The following STK3 variants were observed in gnomAD, a reference collection of about 807,000 sequenced individuals.
The protein encoded by STK3 is serine/threonine kinase 3, also known as serine/threonine-protein kinase 3.
STK3 carries 41 observed loss-of-function variants against 58.0 expected under a neutral mutation model. The ratio of observed to expected loss-of-function variants is 0.71; its 90% CI spans 0.55 to 0.92. The LOEUF is 0.92. STK3 is among the 40% of genes least tolerant of loss of function. STK3 has a pLI of 0.00. For missense variants in STK3, 479 were observed against 602.7 expected (o/e 0.79, Z 2.15); for synonymous variants, 170 against 191.0 (o/e 0.89, Z 0.91).
Position 98,548,100 on chromosome 8 carries a change from A to G in STK3, c.1010T>C (p.Met337Thr), listed in dbSNP as rs765265719. The stretch of plus-strand genomic sequence containing the variant: ...TTCACTCATCGTGCTTGTGGCCCGC[A>G]TGGTGCCCACACTCTCCACACTAGT... ...VKTSVESVGT[M>T]RATSTMSEGA... The change falls in exon 9 of 11, where the codon ATG becomes ACG. Residue 337 changes from methionine to threonine, a missense_variant. Around this residue, in one of 3 missense-constraint regions of STK3, gnomAD observed 309 missense variants for 355.7 expected, o/e 0.87. Coordinates refer to ENST00000419617, the MANE Select transcript of STK3 (RefSeq NM_006281.4). 2.5e-6 allele frequency: 4 copies of G among 1,608,720 alleles called. No homozygotes were observed. In the South Asian group the frequency reaches 4.4e-5, roughly 18 times the overall value.
At chr8:98,860,951 T>C (rs958876935) in intron 3 of STK3, among the ~76,000 whole-genome samples, 7 of 152,034 alleles carry the variant, frequency 4.6e-5, no homozygotes, top group East Asian at 1.9e-4. Context: ...TCCTGGCTAC[T>C]GGGGAGGCTG....
chr8:98,778,580 C>T (rs1458641205), intron 1 of STK3, among the ~76,000 whole-genome samples: 7 of 151,950 alleles, frequency 4.6e-5, no homozygotes, highest in Admixed American at 1.3e-4. Flanking sequence ...CACATGCACA[C>T]GTATGTTTAT....
intron 10 of STK3, among the ~76,000 whole-genome samples, chr8:98,525,281 G>C (rs1175968625): frequency 6.6e-6 from 1 of 152,076 alleles, no homozygotes; most frequent in Non-Finnish European, 1.5e-5. Flanking sequence ...GGGTGAGAGG[G>C]GAAGAAGGGA....
chr8:98,782,351 A>T lies in STK3; in HGVS notation c.27-7532T>A, dbSNP rs1209023465. The T allele has an allele frequency of 1.6e-5, 3 of 187,170 alleles. No homozygotes were observed. The Admixed American group carries it at 1.7e-4, about 11-fold the overall frequency. The allele number at this position is 187,170 out of a possible 1,614,324, so 11.6% of individuals were successfully genotyped here. Reference sequence around the variant, plus strand: ...GTGAGGAGAATAGGAATTCTGCATCAGCTGCTCAAAGATACTGTGAATCTA... The same window carrying T: ...GTGAGGAGAATAGGAATTCTGCATCTGCTGCTCAAAGATACTGTGAATCTA... On this transcript the variant is annotated intron_variant, in intron 1 of 10. Coordinates refer to ENST00000419617, the MANE Select transcript of STK3 (RefSeq NM_006281.4).
At chr8:98,709,465 T>C (rs1046585372) in intron 4 of STK3, among the ~76,000 whole-genome samples, 2 of 152,216 alleles carry the variant, frequency 1.3e-5, no homozygotes, top group Non-Finnish European at 2.9e-5. Flanking sequence ...AGAGGCATTA[T>C]TCTGATATCA....
At chr8:98,458,069 CTTT>C (rs1327031828) in intron 10 of STK3, among the ~76,000 whole-genome samples, 3 of 151,960 alleles carry the variant, frequency 2.0e-5, no homozygotes, top group Admixed American at 6.6e-5. Context: ...AATCTTAGTT[CTTT>C]AAGTGATAAA....
intron 1 of STK3, among the ~76,000 whole-genome samples, chr8:98,799,157 G>A (rs1399983968): frequency 2.6e-5 from 4 of 152,152 alleles, no homozygotes; most frequent in Admixed American, 6.5e-5. Context: ...GTTTAGGCAA[G>A]AGCATAATCT....
rs189410673 is a variant in STK3, at chr8:98,689,099, C to A, written c.684+17368G>T. On this transcript the variant is annotated intron_variant, in intron 6 of 10. Coordinates refer to ENST00000419617, the MANE Select transcript of STK3 (RefSeq NM_006281.4). ...CATCACAACGAAGCCCACAGAAATA[C>A]AGCAGATGTTCAGAGGCTACTATGA... Among the ~76,000 whole-genome samples, 13 of 152,238 alleles carry A rather than the reference C, an allele frequency of 8.5e-5. No individual in the cohort carries two copies. The East Asian group carries it at 2.5e-3, about 29-fold the overall frequency.
At chr8:98,585,484 T>A (rs2131768493) in intron 7 of STK3, among the ~76,000 whole-genome samples, 1 of 151,278 alleles carries the variant, frequency 6.6e-6, no homozygotes, top group South Asian at 2.1e-4. Context: ...TACCATGCTG[T>A]TTTGGTTACT....
At chr8:98,940,628 G>A (rs1448530045) in intron 1 of STK3, among the ~76,000 whole-genome samples, 1 of 152,196 alleles carries the variant, frequency 6.6e-6, no homozygotes, top group African/African-American at 2.4e-5. Flanking sequence ...TGGGAGTGGG[G>A]CAGCCTGTCT....
In STK3 at chr8:98,914,411, A is replaced by G. The variant is rs1839262740; in HGVS notation, c.-79+27967T>C. Among the ~76,000 whole-genome samples, 5 of 152,232 alleles carry G rather than the reference A, an allele frequency of 3.3e-5. No individual in the cohort carries two copies. The South Asian group carries it at 6.2e-4, about 19-fold the overall frequency. On this transcript the variant is annotated intron_variant, in intron 1 of 1. Transcript: ENST00000519420. ...CAACAGAGCAAGACCCTGTCTTAAA[A>G]CAAAAAAATGAAAAAACCTGTAAGC...
chr8:98,906,371 C>T (rs1838900849), intron 1 of STK3: 1 of 152,412 alleles, frequency 6.6e-6, no homozygotes, highest in African/African-American at 2.4e-5. Flanking sequence ...GCCCTGTGCA[C>T]CACAGCGTGG....
intron 10 of STK3, among the ~76,000 whole-genome samples, chr8:98,467,020 A>G (rs530049635): frequency 7.2e-5 from 11 of 152,254 alleles, no homozygotes; most frequent in African/African-American, 2.2e-4. Context: ...AGAGAAGCAG[A>G]TATCAGTGTC....
chr8:98,885,160 A>G (rs1837937272), intron 1 of STK3, among the ~76,000 whole-genome samples: 1 of 152,214 alleles, frequency 6.6e-6, no homozygotes, highest in South Asian at 2.1e-4. Flanking sequence ...ATAACATACC[A>G]GAGTCTGGTC....
intron 9 of STK3, among the ~76,000 whole-genome samples, chr8:98,535,259 T>C (rs1239428536): frequency 5.3e-5 from 8 of 152,188 alleles, no homozygotes; most frequent in Non-Finnish European, 1.5e-5. Context: ...AGCGTATTTC[T>C]AGATAGCATT....
rs774820859 is a variant in STK3 at position 98,407,749 on chromosome 8, TGTGTGTGTGC to T, written n.484-6246_484-6237del. ...GTGTGTGTGTGTGTGTGTGTGTGTGTGTGTGTGTGCGCGCGCGCGCGCATGCATGGTATGA... is the reference window on the plus strand; with the variant it reads ...GTGTGTGTGTGTGTGTGTGTGTGTGTGCGCGCGCGCGCATGCATGGTATGA... On this transcript the variant is annotated intron_variant and non_coding_transcript_variant, in intron 3 of 3. Coordinates refer to the STK3 transcript ENST00000517832. Among the ~76,000 whole-genome samples the T allele has an allele frequency of 1.7e-3, 209 of 120,850 alleles. 1 individual carries two copies. Among genetic ancestry groups the T allele is most frequent in the Middle Eastern group, 4.2e-3 (1 of 240 alleles). The allele number at this position is 120,850 out of a possible 152,430, so 79.3% of individuals were successfully genotyped here. A position where few individuals can be genotyped will look rare whatever the true frequency, so the allele number is the denominator to read the frequency against.
intron 1 of STK3, among the ~76,000 whole-genome samples, chr8:98,893,540 AAGAAAG>A (rs1175801416): frequency 2.8e-4 from 39 of 141,652 alleles, no homozygotes; most frequent in African/African-American, 7.8e-4. Flanking sequence ...AAGAAAGAAA[AAGAAAG>A]AGAAAGAGAA....
At chr8:98,659,672 T>C (rs920361987) in intron 6 of STK3, among the ~76,000 whole-genome samples, 1 of 151,994 alleles carries the variant, frequency 6.6e-6, no homozygotes, top group African/African-American at 2.4e-5. Flanking sequence ...GATAATTATT[T>C]AACTAGCAAA....
intron 1 of STK3, among the ~76,000 whole-genome samples, chr8:98,776,846 C>T (rs535242305): frequency 6.6e-6 from 1 of 151,162 alleles, no homozygotes; most frequent in East Asian, 2.0e-4. Flanking sequence ...GTCAGGAGAC[C>T]GAGACCATCC....
Sources: allele counts gnomAD v4.1 joint callset (sites outside exome capture counted in the v4.1 genomes callset), GRCh38; gene constraint gnomAD v4.1.1; regional missense constraint gnomAD v4.1.1; transcripts MANE v1.5; gene names NCBI Gene and HGNC (gene_info 2026-07-23, HGNC 2026-07-21).